TMEM106B: variants seen among roughly 807,000 people sequenced by gnomAD.
The protein encoded by TMEM106B is transmembrane protein 106B.
TMEM106B carries 15 observed loss-of-function variants against 31.1 expected under a neutral mutation model. That is an observed-to-expected ratio of 0.48 (90% CI 0.32 to 0.74). The LOEUF is 0.74. Among genes scored for constraint, TMEM106B ranks in the 30% least tolerant of loss-of-function variants. The pLI is 0.03. For missense variants in TMEM106B, 283 were observed against 327.3 expected, an observed-to-expected ratio of 0.86 and a Z score of 1.04; for synonymous variants, 126 against 112.5, an observed-to-expected ratio of 1.12 and a Z score of -0.76.
At chr7:12,224,434 A>T in intron 4 of TMEM106B, 49 bp downstream of exon 4, 2 of 1,487,864 alleles carry the variant, frequency 1.3e-6, no homozygotes, top group Non-Finnish European at 1.9e-6. Context: ...CTTTTATCCT[A>T]TTAAGCAGCA....
At chr7:12,229,942 T>G in intron 5 of TMEM106B, 123 bp downstream of exon 5, 1 of 1,125,014 alleles carries the variant, frequency 8.9e-7, no homozygotes, top group Non-Finnish European at 1.2e-6. Context: ...CTCTGCTGGG[T>G]ACAGTGGCTC....
rs1041845474 is a variant in TMEM106B, at chr7:12,240,203, C to T, written c.*8228C>T. 6.6e-6 allele frequency: 1 copy of T among 152,118 alleles called. No homozygotes were observed. Among genetic ancestry groups the T allele is most frequent in the Non-Finnish European group, 1.5e-5 (1 of 68,018 alleles). The allele number at this position is 152,118 out of a possible 1,614,324, so 9.4% of individuals were successfully genotyped here. A position where few individuals can be genotyped will look rare whatever the true frequency, so the allele number is the denominator to read the frequency against. On this transcript the variant is annotated 3_prime_UTR_variant, in exon 8 of 8. Transcript: ENST00000396668. ...TTGGGAACAGTTCATTCCTTTATCCCTTCGCTCATTCTGTTCCTTTTTTCT... is the reference window on the plus strand; with the variant it reads ...TTGGGAACAGTTCATTCCTTTATCCTTTCGCTCATTCTGTTCCTTTTTTCT...
At chr7:12,218,866 C>T (rs1781737002) in intron 3 of TMEM106B, among the ~76,000 whole-genome samples, 2 of 152,066 alleles carry the variant, frequency 1.3e-5, no homozygotes, top group African/African-American at 4.8e-5. Context: ...ATGGTGACAG[C>T]AGGGACCCCA....
At chr7:12,220,406 C>G (rs1181009980) in intron 3 of TMEM106B, among the ~76,000 whole-genome samples, 2 of 152,082 alleles carry the variant, frequency 1.3e-5, no homozygotes, top group African/African-American at 4.8e-5. Context: ...GGCCAATATC[C>G]TTACTCTATA....
At position 12,224,338 on chromosome 7, in the gene TMEM106B, T is replaced by C. The variant is rs139421888; in HGVS notation, c.394T>C (p.Tyr132His). 6.2e-7 allele frequency: 1 copy of C among 1,613,804 alleles called. No homozygotes were observed. Among genetic ancestry groups the C allele is most frequent in the African/African-American group, 1.3e-5 (1 of 74,924 alleles). Residue 132 changes from tyrosine (Y) to histidine (H), a missense_variant, in exon 4 of 8, where the codon TAT (tyrosine) becomes CAT (histidine). Transcript: ENST00000396668. ...DVKYIGVKSA[Y>H]VSYDVQKRTI... ...GAAATACATTGGTGTAAAATCAGCC[T>C]ATGTCAGTTATGATGTTCAGAAGCG...
chr7:12,216,056 T>C (rs1781681232), intron 2 of TMEM106B, among the ~76,000 whole-genome samples: 1 of 152,180 alleles, frequency 6.6e-6, no homozygotes, highest in African/African-American at 2.4e-5. Flanking sequence ...TTAAGATGCT[T>C]AAAATGTATC....
rs1387413046 is a variant in TMEM106B, at chr7:12,233,557, G to A, written c.*1582G>A. On this transcript the variant is annotated 3_prime_UTR_variant, in exon 8 of 8. Coordinates refer to ENST00000396668, the MANE Select transcript of TMEM106B (RefSeq NM_001134232.2). ...CTTGAGTATCTTCAATTCGTTGAAT[G>A]TGGTTTTTGGTTTTTTTTTGTTTTA... 6.6e-6 allele frequency: 1 copy of A among 150,454 alleles called. No homozygotes were observed. The highest frequency in any genetic ancestry group is 6.6e-5 in the Admixed American group (1 of 15,064). The allele number at this position is 150,454 out of a possible 1,614,324, so 9.3% of individuals were successfully genotyped here.
intron 4 of TMEM106B, among the ~76,000 whole-genome samples, chr7:12,227,673 TAG>T (rs1781928483): frequency 1.3e-5 from 2 of 152,020 alleles, no homozygotes; most frequent in Admixed American, 6.6e-5. Context: ...GTTATTTCTT[TAG>T]GATAAATTCC....
At position 12,239,448 on chromosome 7, in the gene TMEM106B, A is replaced by G. The variant is rs1202922439; in HGVS notation, c.*7473A>G. 1 of 152,174 alleles carries G rather than the reference A, an allele frequency of 6.6e-6. No homozygotes were observed. The highest frequency in any genetic ancestry group is 6.6e-5 in the Admixed American group (1 of 15,256). The allele number at this position is 152,174 out of a possible 1,614,324, so 9.4% of individuals were successfully genotyped here. On this transcript the variant is annotated 3_prime_UTR_variant, in exon 8 of 8. Transcript: ENST00000396668. Reference sequence around the variant, plus strand: ...CTTTTCAATTACTTACAGTAAGGAAATAGCACTTTTAATTTCCTTCAAGAA... The same window carrying G: ...CTTTTCAATTACTTACAGTAAGGAAGTAGCACTTTTAATTTCCTTCAAGAA...
chr7:12,214,450 G>A (rs1176644860), intron 1 of TMEM106B: 2 of 179,582 alleles, frequency 1.1e-5, no homozygotes, highest in Non-Finnish European at 2.3e-5. Context: ...ATCCACCTAT[G>A]CACCTATGAC....
rs1015663616 is a variant in TMEM106B, at chr7:12,241,681, T to C, written c.*9706T>C. ...GGACATTTGGGTTGGTTCCAAGTCT[T>C]TACTATTGTGAACAGTGCTGCAATA... On this transcript the variant is annotated 3_prime_UTR_variant, in exon 8 of 8. Coordinates refer to ENST00000396668, the MANE Select transcript of TMEM106B (RefSeq NM_001134232.2). 44 of 152,356 alleles carry C rather than the reference T, an allele frequency of 2.9e-4. No homozygotes were observed. Among genetic ancestry groups the C allele is most frequent in the African/African-American group, 8.7e-4 (36 of 41,580 alleles). The allele number at this position is 152,356 out of a possible 1,614,324, so 9.4% of individuals were successfully genotyped here. A position where few individuals can be genotyped will look rare whatever the true frequency, so the allele number is the denominator to read the frequency against.
intron 5 of TMEM106B, 65 bp from the exon 6 acceptor site, chr7:12,230,324 A>G: frequency 1.8e-6 from 2 of 1,125,800 alleles, no homozygotes; most frequent in Non-Finnish European, 2.7e-6. Context: ...GAAGTTATGA[A>G]GTATATCTGA....
chr7:12,224,928 T>TA (rs1385541314), intron 4 of TMEM106B, among the ~76,000 whole-genome samples: 1 of 152,142 alleles, frequency 6.6e-6, no homozygotes, highest in Non-Finnish European at 1.5e-5. Flanking sequence ...GCAGGTTTGT[T>TA]ACATATGTAT....
At chr7:12,221,604 A>C (rs1470543690) in intron 3 of TMEM106B, among the ~76,000 whole-genome samples, 2 of 152,224 alleles carry the variant, frequency 1.3e-5, no homozygotes, top group Non-Finnish European at 2.9e-5. Context: ...GATTCCTGAG[A>C]AAGCAAAAAC....
At chr7:12,220,029 G>A (rs1781757140) in intron 3 of TMEM106B, among the ~76,000 whole-genome samples, 1 of 152,070 alleles carries the variant, frequency 6.6e-6, no homozygotes, top group Non-Finnish European at 1.5e-5. Flanking sequence ...AAATACCTAG[G>A]CAAAAGGATC....
At position 12,235,708 on chromosome 7, in the gene TMEM106B, T is replaced by A; in HGVS notation, c.*3733T>A. 1 of 151,896 alleles carries A rather than the reference T, an allele frequency of 6.6e-6. No homozygotes were observed. Among genetic ancestry groups the A allele is most frequent in the Non-Finnish European group, 1.5e-5 (1 of 67,848 alleles). 9.4% of individuals were successfully genotyped at this position (151,896 alleles called of 1,614,324 possible). ...TTAAAGTTCTTAGAATAAACAGTTC[T>A]TTATATAATAATTATATTTTATTTA... On this transcript the variant is annotated 3_prime_UTR_variant, in exon 8 of 8. Coordinates refer to ENST00000396668, the MANE Select transcript of TMEM106B (RefSeq NM_001134232.2).
chr7:12,224,643 GA>G (rs2128526094), intron 4 of TMEM106B, among the ~76,000 whole-genome samples: 1 of 147,692 alleles, frequency 6.8e-6, no homozygotes, highest in Admixed American at 6.7e-5. Flanking sequence ...ACTAAAAAAA[GA>G]AAAAAGGTAT....
chr7:12,238,605 A>G lies in TMEM106B; in HGVS notation c.*6630A>G, dbSNP rs879366358. The G allele has an allele frequency of 6.6e-6, 1 of 152,216 alleles. No individual in the cohort carries two copies. Among genetic ancestry groups the G allele is most frequent in the Non-Finnish European group, 1.5e-5 (1 of 68,058 alleles). 9.4% of individuals were successfully genotyped at this position (152,216 alleles called of 1,614,324 possible). On this transcript the variant is annotated 3_prime_UTR_variant, in exon 8 of 8. Transcript: ENST00000396668. ...GTCTTACAAAATGTATTTCTTATATAGTAAGATTCAAAAGTCAAATTTACT... is the reference window on the plus strand; with the variant it reads ...GTCTTACAAAATGTATTTCTTATATGGTAAGATTCAAAAGTCAAATTTACT...
At chr7:12,229,134 A>G (rs1211643308) in intron 4 of TMEM106B, among the ~76,000 whole-genome samples, 3 of 152,044 alleles carry the variant, frequency 2.0e-5, no homozygotes, top group African/African-American at 7.2e-5. Context: ...ACATTTTTAA[A>G]TTTTTTAATG....
Sources: allele counts gnomAD v4.1 joint callset (sites outside exome capture counted in the v4.1 genomes callset), GRCh38; gene constraint gnomAD v4.1.1; transcripts MANE v1.5; gene names NCBI Gene and HGNC (gene_info 2026-07-23, HGNC 2026-07-21).